Variants in FUT8 observed in about 807,000 individuals in gnomAD.
FUT8 encodes the protein fucosyltransferase 8, also known as alpha-(1,6)-fucosyltransferase.
In FUT8, 29 loss-of-function variants were observed where a neutral mutation model predicts 71.3. That is an observed-to-expected ratio of 0.41 (90% CI 0.30 to 0.55). FUT8 has a LOEUF of 0.55. Ranked by LOEUF, FUT8 falls within the 20% of genes least tolerant of loss-of-function variation. FUT8 has a pLI of 0.34. For missense variants in FUT8, 544 were observed against 702.1 expected, an observed-to-expected ratio of 0.77 and a Z score of 2.55; for synonymous variants, 254 against 239.3, an observed-to-expected ratio of 1.06 and a Z score of -0.57.
chr14:65,493,895 T>G (rs1029606736), intron 2 of FUT8, among the ~76,000 whole-genome samples: 13 of 152,068 alleles, frequency 8.5e-5, no homozygotes, highest in African/African-American at 1.2e-4. Context: ...GAATAAAATT[T>G]ATTCAATATT....
At chr14:65,664,971 G>GAAAA (rs11458506) in intron 6 of FUT8, among the ~76,000 whole-genome samples, 1 of 149,604 alleles carries the variant, frequency 6.7e-6, no homozygotes, top group Non-Finnish European at 1.5e-5. Flanking sequence ...CTTTAGAATG[G>GAAAA]AAAAAAAAAA....
chr14:65,515,597 G>A (rs1594724019), intron 2 of FUT8, among the ~76,000 whole-genome samples: 1 of 151,862 alleles, frequency 6.6e-6, no homozygotes, highest in Non-Finnish European at 1.5e-5. Context: ...CAATATTAAA[G>A]TTCAGTTACA....
intron 1 of FUT8, among the ~76,000 whole-genome samples, chr14:65,445,123 C>T (rs1408048291): frequency 1.3e-5 from 2 of 152,106 alleles, no homozygotes; most frequent in African/African-American, 4.8e-5. Context: ...AGAGAATTGC[C>T]TAAACCTGCG....
chr14:65,735,647 G>A lies in FUT8; in HGVS notation c.1410+2266G>A, dbSNP rs529750804. On this transcript the variant is annotated intron_variant, in intron 10 of 10. Coordinates refer to ENST00000673929, the MANE Select transcript of FUT8 (RefSeq NM_001371533.1). ...GATTCACAATAAAAGTTTAACAGTA[G>A]AAATACCTTACATTTATATAGTGAG... Among the ~76,000 whole-genome samples the A allele has an allele frequency of 3.3e-5, 5 of 152,190 alleles. No individual in the cohort carries two copies. In the South Asian group the frequency reaches 1.0e-3, roughly 32 times the overall value.
Position 65,735,206 on chromosome 14 carries a change from T to A in FUT8, c.1410+1825T>A, listed in dbSNP as rs1483422841. Among the ~76,000 whole-genome samples the A allele has an allele frequency of 5.9e-5, 7 of 118,998 alleles. No individual in the cohort carries two copies. In the East Asian group the frequency reaches 1.9e-3, roughly 32 times the overall value. The allele number at this position is 118,998 out of a possible 152,430, so 78.1% of individuals were successfully genotyped here. A position where few individuals can be genotyped will look rare whatever the true frequency, so the allele number is the denominator to read the frequency against. ...GCTTATTCTGGAATAGAAAGAAAAT[T>A]TTTTGCTTTACTATTTTTTTTTTCC... On this transcript the variant is annotated intron_variant, in intron 10 of 10. Coordinates refer to ENST00000673929, the MANE Select transcript of FUT8 (RefSeq NM_001371533.1).
intron 2 of FUT8, among the ~76,000 whole-genome samples, chr14:65,545,666 A>G (rs1884948430): frequency 6.6e-6 from 1 of 151,794 alleles, no homozygotes; most frequent in Non-Finnish European, 1.5e-5. Flanking sequence ...AAGTAAATTG[A>G]TAACTCTTAT....
intron 7 of FUT8, among the ~76,000 whole-genome samples, chr14:65,701,508 T>C (rs1170673117): frequency 3.3e-5 from 5 of 152,230 alleles, no homozygotes; most frequent in African/African-American, 4.8e-5. Flanking sequence ...ACAGGACAGC[T>C]GATTCTCATT....
At chr14:65,385,126 T>C in the FUT8 span, among the ~76,000 whole-genome samples, 1 of 152,172 alleles carries the variant, frequency 6.6e-6, no homozygotes, top group East Asian at 1.9e-4. Flanking sequence ...CTCGAACTCC[T>C]GACCTCAGGT....
In FUT8 at chr14:65,652,471, A is replaced by G. The variant is rs940508765; in HGVS notation, c.598-16772A>G. The stretch of plus-strand genomic sequence containing the variant: ...GATATGATGTGAGAAGCTTGAGAGG[A>G]CATGATGCTTTGGAGCTGTTACAAC... On this transcript the variant is annotated intron_variant, in intron 6 of 10. Coordinates refer to ENST00000673929, the MANE Select transcript of FUT8 (RefSeq NM_001371533.1). This position sits in a 1 kb window ranked among gnomAD's most constrained non-coding sequence, Gnocchi z 4.0. 2.0e-5 allele frequency among the ~76,000 whole-genome samples: 3 copies of G among 152,210 alleles called. No individual in the cohort carries two copies. The highest frequency in any genetic ancestry group is 4.8e-5 in the African/African-American group (2 of 41,454).
At chr14:65,531,945 A>G (rs1883983682) in intron 2 of FUT8, among the ~76,000 whole-genome samples, 1 of 152,154 alleles carries the variant, frequency 6.6e-6, no homozygotes, top group Non-Finnish European at 1.5e-5. Context: ...TGCAAAGTAC[A>G]TGATCTCATT....
the FUT8 span, among the ~76,000 whole-genome samples, chr14:65,380,299 A>G: frequency 3.3e-5 from 5 of 152,096 alleles, no homozygotes; most frequent in Non-Finnish European, 5.9e-5. Context: ...TGGGAAAGAC[A>G]AGCCCCCATG....
At chr14:65,419,466 A>C (rs968284644) in intron 1 of FUT8, among the ~76,000 whole-genome samples, 1 of 152,206 alleles carries the variant, frequency 6.6e-6, no homozygotes, top group Non-Finnish European at 1.5e-5. Flanking sequence ...AGTGTCTTTG[A>C]TAATTAGGGC....
intron 2 of FUT8, among the ~76,000 whole-genome samples, chr14:65,492,838 GC>G (rs779390548): frequency 3.9e-5 from 6 of 152,128 alleles, no homozygotes; most frequent in Non-Finnish European, 8.8e-5. Flanking sequence ...ACCTGAATCT[GC>G]TCTAAGTCCA....
intron 1 of FUT8, among the ~76,000 whole-genome samples, chr14:65,440,246 C>T (rs767510606): frequency 3.3e-5 from 5 of 151,468 alleles, no homozygotes; most frequent in Admixed American, 2.6e-4. Context: ...TACAAAGTTT[C>T]AGGTATTTAG....
intron 1 of FUT8, among the ~76,000 whole-genome samples, chr14:65,445,745 G>A (rs117147549): frequency 0.034 from 5,206 of 152,058 alleles, 138 homozygotes; most frequent in Middle Eastern, 0.099. Context: ...TTTTTTTTAC[G>A]TCTCAAGGAT....
chr14:65,439,954 G>GTACATATATATATATATATA lies in FUT8; in HGVS notation c.-325-15665_-325-15664insCATATATATATATATATATA, dbSNP rs1378430231. ...ATAAAGAAAATGTGTGTGTGTGTGTGTATATATATATATATATATATATAT... is the reference window on the plus strand; with the variant it reads ...ATAAAGAAAATGTGTGTGTGTGTGTGTACATATATATATATATATATATATATATATATATATATATATAT... On this transcript the variant is annotated intron_variant, in intron 1 of 10. Coordinates refer to ENST00000673929, the MANE Select transcript of FUT8 (RefSeq NM_001371533.1). Among the ~76,000 whole-genome samples, 9 of 74,974 alleles carry GTACATATATATATATATATA rather than the reference G, an allele frequency of 1.2e-4. 1 individual carries two copies. The East Asian group carries it at 3.7e-3, about 30-fold the overall frequency. The allele number at this position is 74,974 out of a possible 152,430, so 49.2% of individuals were successfully genotyped here. A position where few individuals can be genotyped will look rare whatever the true frequency, so the allele number is the denominator to read the frequency against.
At chr14:65,671,390 T>C (rs1252351482) in intron 7 of FUT8, among the ~76,000 whole-genome samples, 1 of 152,168 alleles carries the variant, frequency 6.6e-6, no homozygotes, top group Non-Finnish European at 1.5e-5. Context: ...ACTCAGAATT[T>C]CTTAATGTTA....
At chr14:65,361,960 T>G in the FUT8 span, among the ~76,000 whole-genome samples, 4 of 152,346 alleles carry the variant, frequency 2.6e-5, no homozygotes, top group African/African-American at 9.6e-5. Context: ...TTTCATCAGC[T>G]GTTTGAAATG....
At chr14:65,461,316 A>G (rs887912567) in intron 2 of FUT8, among the ~76,000 whole-genome samples, 1 of 152,194 alleles carries the variant, frequency 6.6e-6, no homozygotes, top group African/African-American at 2.4e-5. Flanking sequence ...GATTCCAGTC[A>G]TGTATTAGGG....
Sources: allele counts gnomAD v4.1 joint callset (sites outside exome capture counted in the v4.1 genomes callset), GRCh38; gene constraint gnomAD v4.1.1; non-coding constraint Gnocchi (gnomAD v3.1); transcripts MANE v1.5; gene names NCBI Gene and HGNC (gene_info 2026-07-23, HGNC 2026-07-21).